The following CNTLN variants were observed in gnomAD, a reference collection of about 807,000 sequenced individuals.
CNTLN encodes the protein centlein.
A neutral mutation model predicts 180.0 loss-of-function variants in CNTLN; 212 were observed. That is an observed-to-expected ratio of 1.18 (90% confidence interval 1.05 to 1.32). The LOEUF is 1.32. Among genes scored for constraint, CNTLN ranks in the 40% most tolerant of loss-of-function variants. The pLI, the probability that CNTLN is intolerant of heterozygous loss-of-function variation, is 0.00. For missense variants in CNTLN, 2,095 were observed against 1,610.9 expected (o/e 1.30, Z -5.14); for synonymous variants, 722 against 563.1 (o/e 1.28, Z -3.99).
At chr9:17,204,972 C>G (rs1198359849) in intron 2 of CNTLN, among the ~76,000 whole-genome samples, 1 of 152,196 alleles carries the variant, frequency 6.6e-6, no homozygotes, top group Non-Finnish European at 1.5e-5. Flanking sequence ...ACCTCCCAGC[C>G]TCCTTAGCAC....
chr9:17,329,726 G>A (rs372724501), intron 8 of CNTLN, among the ~76,000 whole-genome samples: 8 of 151,598 alleles, frequency 5.3e-5, no homozygotes, highest in Non-Finnish European at 1.5e-5. Flanking sequence ...AAAGTTAACC[G>A]TATATATTTT....
chr9:17,247,779 CTTTT>C (rs572267371), intron 5 of CNTLN, among the ~76,000 whole-genome samples: 9 of 108,474 alleles, frequency 8.3e-5, no homozygotes, highest in Non-Finnish European at 1.4e-4. Context: ...AATACTTTTA[CTTTT>C]TTTTTTTTTT....
At chr9:17,157,448 G>A (rs1008144998) in intron 2 of CNTLN, among the ~76,000 whole-genome samples, 3 of 152,112 alleles carry the variant, frequency 2.0e-5, no homozygotes, top group Admixed American at 1.3e-4. Context: ...TGGGGTAAGA[G>A]GAAGAAAGAA....
chr9:17,436,954 C>G (rs972843989), intron 18 of CNTLN, among the ~76,000 whole-genome samples: 2 of 152,172 alleles, frequency 1.3e-5, no homozygotes, highest in African/African-American at 4.8e-5. Flanking sequence ...TTATATACGT[C>G]AGATTCTCTA....
chr9:17,365,955 A>G (rs1823783670), intron 12 of CNTLN, among the ~76,000 whole-genome samples: 1 of 152,194 alleles, frequency 6.6e-6, no homozygotes, highest in African/African-American at 2.4e-5. Flanking sequence ...AAAAACAACC[A>G]AGAAGTGGTT....
chr9:17,153,415 A>G (rs533243009), intron 2 of CNTLN, among the ~76,000 whole-genome samples: 304 of 152,220 alleles, frequency 2.0e-3, no homozygotes, highest in African/African-American at 7.1e-3. Flanking sequence ...TCGCTTATGA[A>G]GCTTATTTTG....
At chr9:17,180,444 A>C (rs961131541) in intron 2 of CNTLN, among the ~76,000 whole-genome samples, 2 of 150,518 alleles carry the variant, frequency 1.3e-5, no homozygotes, top group Non-Finnish European at 3.0e-5. Context: ...TTTATAATAG[A>C]AACCTTTCTC....
chr9:17,449,411 G>A (rs955502608), intron 18 of CNTLN, among the ~76,000 whole-genome samples: 1 of 151,864 alleles, frequency 6.6e-6, no homozygotes, highest in Non-Finnish European at 1.5e-5. Context: ...AGAATTAGTG[G>A]GTGCAGCGCA....
intron 12 of CNTLN, among the ~76,000 whole-genome samples, chr9:17,361,596 T>TC (rs1208345205): frequency 6.6e-6 from 1 of 152,234 alleles, no homozygotes; most frequent in Non-Finnish European, 1.5e-5. Context: ...TTAGCTTTTT[T>TC]CCACTGTAGA....
intron 18 of CNTLN, among the ~76,000 whole-genome samples, chr9:17,440,521 G>A (rs1341771612): frequency 5.4e-5 from 8 of 148,332 alleles, no homozygotes; most frequent in African/African-American, 7.5e-5. Flanking sequence ...CCTGGGAGAC[G>A]GAGCTTGAAG....
intron 5 of CNTLN, among the ~76,000 whole-genome samples, chr9:17,237,265 ATT>A (rs200110806): frequency 1.6e-5 from 2 of 127,398 alleles, no homozygotes; most frequent in African/African-American, 7.6e-5. Context: ...ATTAAATTAC[ATT>A]TTTTTTTAAA....
chr9:17,322,614 A>T (rs1563993167), intron 8 of CNTLN, among the ~76,000 whole-genome samples: 1 of 150,438 alleles, frequency 6.6e-6, no homozygotes, highest in African/African-American at 2.4e-5. Context: ...ATGTTTAGTG[A>T]TTTTTTTTTT....
chr9:17,273,190 A>G (rs555937014), intron 5 of CNTLN, among the ~76,000 whole-genome samples: 57 of 152,260 alleles, frequency 3.7e-4, no homozygotes, highest in Non-Finnish European at 6.3e-4. Context: ...AAATATTTAG[A>G]GAATGATCAG....
chr9:17,340,892 G>T lies in CNTLN; in HGVS notation c.1710G>T (p.Gln570His). The change falls in exon 11 of 26, where the codon CAG (glutamine) becomes CAT (histidine). Residue 570 changes from glutamine to histidine, a missense_variant. Coordinates refer to ENST00000380647, the MANE Select transcript of CNTLN (RefSeq NM_017738.4). ...GCAAGGAACGGCTACAGATGTTACA[G>T]ACCAACTACAGAGCAGTAAAAGAGC... ...EKRKERLQML[Q>H]TNYRAVKEQL... 1.2e-6 allele frequency: 2 copies of T among 1,612,470 alleles called. No individual in the cohort carries two copies. The highest frequency in any genetic ancestry group is 2.2e-5 in the South Asian group (2 of 90,916).
intron 3 of CNTLN, among the ~76,000 whole-genome samples, chr9:17,233,620 A>C (rs1274636361): frequency 1.3e-5 from 2 of 152,092 alleles, no homozygotes; most frequent in Non-Finnish European, 2.9e-5. Context: ...TTGTTTGTAT[A>C]CCCCTTTACC....
intron 2 of CNTLN, among the ~76,000 whole-genome samples, chr9:17,166,115 A>G (rs1820052541): frequency 6.6e-6 from 1 of 152,218 alleles, no homozygotes; most frequent in Admixed American, 6.5e-5. Flanking sequence ...AGACAGAGAT[A>G]TGCTGAATAA....
At chr9:17,500,926 T>C (rs1833718886) in intron 25 of CNTLN, among the ~76,000 whole-genome samples, 1 of 152,210 alleles carries the variant, frequency 6.6e-6, no homozygotes, top group African/African-American at 2.4e-5. Context: ...GTAACTCTTT[T>C]TTACATCCAA....
chr9:17,223,195 C>T (rs1031523379), intron 2 of CNTLN, among the ~76,000 whole-genome samples: 1 of 152,016 alleles, frequency 6.6e-6, no homozygotes, highest in East Asian at 1.9e-4. Flanking sequence ...AACAGCACTG[C>T]AATTTAAAGC....
intron 5 of CNTLN, among the ~76,000 whole-genome samples, chr9:17,257,466 A>G (rs1826594144): frequency 6.6e-6 from 1 of 151,930 alleles, no homozygotes; most frequent in South Asian, 2.1e-4. Flanking sequence ...TAGCAGCATG[A>G]TTTATAGTCC....
Sources: gnomAD v4.1 joint callset for allele counts (sites outside exome capture counted in the v4.1 genomes callset) on GRCh38, gnomAD v4.1.1 for gene constraint, MANE v1.5 for transcripts, NCBI Gene and HGNC (gene_info 2026-07-23, HGNC 2026-07-21) for gene names.